The following CCDC12 variants were observed in gnomAD, a reference collection of about 807,000 sequenced individuals.
CCDC12 encodes coiled-coil domain containing 12.
In CCDC12, 28 loss-of-function variants were observed where a neutral mutation model predicts 25.7. The observed-to-expected ratio is 1.09, with a 90% CI of 0.81 to 1.50. The LOEUF is 1.50. Ranked by LOEUF, CCDC12 falls within the 40% of genes most tolerant of loss-of-function variation. The pLI, the probability that CCDC12 is intolerant of heterozygous loss-of-function variation, is 0.00. For missense variants in CCDC12, 198 were observed against 210.0 expected, an observed-to-expected ratio of 0.94 and a Z score of 0.35; for synonymous variants, 75 against 87.7, an observed-to-expected ratio of 0.86 and a Z score of 0.81.
upstream of CCDC12, chr3:46,976,828 G>A: frequency 6.6e-7 from 1 of 1,525,828 alleles, no homozygotes; most frequent in South Asian, 1.2e-5. Flanking sequence ...GGACGAGAAT[G>A]AGAGACTGGG....
At chr3:46,954,050 C>T (rs1490947095) in intron 1 of CCDC12, among the ~76,000 whole-genome samples, 1 of 152,306 alleles carries the variant, frequency 6.6e-6, no homozygotes, top group East Asian at 1.9e-4. Flanking sequence ...AAGACCCCTC[C>T]CCTGGTGGGA....
chr3:46,957,199 T>G (rs1005812550), intron 1 of CCDC12, among the ~76,000 whole-genome samples: 3 of 151,760 alleles, frequency 2.0e-5, no homozygotes, highest in Admixed American at 6.6e-5. Flanking sequence ...TGCAGAGAGG[T>G]AGGGGTGGGG....
intron 1 of CCDC12, among the ~76,000 whole-genome samples, chr3:46,972,052 T>G (rs7636252): frequency 0.49 from 74,668 of 152,022 alleles, 19,805 homozygotes; most frequent in Non-Finnish European, 0.58. Context: ...TCCCCAGGCA[T>G]TCACCTTAAT....
chr3:46,936,461 G>T (rs61509315), intron 2 of CCDC12, among the ~76,000 whole-genome samples: 2,534 of 152,278 alleles, frequency 0.017, 177 homozygotes, highest in East Asian at 0.14. Flanking sequence ...GGGCAAACAG[G>T]TATGGCATTT....
intron 1 of CCDC12, chr3:46,976,354 C>A (rs1312770194): frequency 1.5e-6 from 2 of 1,354,978 alleles, no homozygotes; most frequent in Admixed American, 6.4e-5. Context: ...GATACCTACA[C>A]GAGCAACACC....
chr3:46,969,089 G>C (rs1183118568), intron 1 of CCDC12, among the ~76,000 whole-genome samples: 1 of 152,152 alleles, frequency 6.6e-6, no homozygotes, highest in Non-Finnish European at 1.5e-5. Context: ...AACTTCTTGA[G>C]ACATGATCAG....
intron 1 of CCDC12, among the ~76,000 whole-genome samples, chr3:46,956,029 A>G (rs1429650018): frequency 1.3e-5 from 2 of 152,262 alleles, no homozygotes; most frequent in Non-Finnish European, 2.9e-5. Context: ...AATAAAAGAT[A>G]GGCCCACATT....
chr3:46,940,133 G>A (rs1031960572), intron 2 of CCDC12, among the ~76,000 whole-genome samples: 5 of 152,246 alleles, frequency 3.3e-5, no homozygotes, highest in African/African-American at 9.6e-5. Context: ...GCTGACACGG[G>A]AGTGGTAGTC....
intron 1 of CCDC12, among the ~76,000 whole-genome samples, chr3:46,948,886 C>T (rs1056797701): frequency 2.0e-5 from 3 of 152,170 alleles, no homozygotes; most frequent in Non-Finnish European, 4.4e-5. Flanking sequence ...CAGAGCTCCT[C>T]CAGCAGACTT....
At chr3:46,940,797 T>G in intron 2 of CCDC12, 1 of 583,434 alleles carries the variant, frequency 1.7e-6, no homozygotes. Flanking sequence ...AAATGGAAAA[T>G]GAGGGAAAGG....
At chr3:46,959,199 T>C (rs1178624234) in intron 1 of CCDC12, among the ~76,000 whole-genome samples, 2 of 30,062 alleles carry the variant, frequency 6.7e-5, no homozygotes, top group Non-Finnish European at 2.2e-4. Flanking sequence ...ACACACTTCC[T>C]TTAGCTACAA....
At chr3:46,933,716 A>T (rs754741783) in intron 2 of CCDC12, among the ~76,000 whole-genome samples, 3 of 152,150 alleles carry the variant, frequency 2.0e-5, no homozygotes, top group Admixed American at 6.5e-5. Context: ...AAAACAAAAA[A>T]CCCCAAGACT....
At chr3:46,926,501 C>T (rs1575536003) in intron 2 of CCDC12, among the ~76,000 whole-genome samples, 1 of 152,342 alleles carries the variant, frequency 6.6e-6, no homozygotes, top group Non-Finnish European at 1.5e-5. Flanking sequence ...CTGCCTCAGT[C>T]TTTTCAGGCA....
intron 1 of CCDC12, among the ~76,000 whole-genome samples, chr3:46,959,163 C>T (rs1447400782): frequency 6.6e-6 from 1 of 151,696 alleles, no homozygotes; most frequent in Admixed American, 6.6e-5. Flanking sequence ...GGAAATACTG[C>T]TTCACAAGGT....
At chr3:46,954,810 G>A (rs189323210) in intron 1 of CCDC12, among the ~76,000 whole-genome samples, 1 of 152,274 alleles carries the variant, frequency 6.6e-6, no homozygotes, top group East Asian at 1.9e-4. Flanking sequence ...TGTAGTCCCA[G>A]CTACTCAGGA....
intron 1 of CCDC12, chr3:46,966,190 C>G (rs1176322629): frequency 6.6e-6 from 1 of 152,604 alleles, no homozygotes; most frequent in African/African-American, 2.4e-5. Context: ...CAACTTGAAT[C>G]TGTGCTCCCA....
At chr3:46,963,326 C>G (rs536680933) in intron 1 of CCDC12, among the ~76,000 whole-genome samples, 2 of 152,198 alleles carry the variant, frequency 1.3e-5, no homozygotes, top group African/African-American at 4.8e-5. Flanking sequence ...TTTTATGCCA[C>G]TATAAAGTCA....
At chr3:46,964,916 C>T (rs2034594659) in intron 1 of CCDC12, among the ~76,000 whole-genome samples, 1 of 151,736 alleles carries the variant, frequency 6.6e-6, no homozygotes, top group South Asian at 2.1e-4. Context: ...CTGCCATATC[C>T]CCCTCTGCGA....
intron 1 of CCDC12, among the ~76,000 whole-genome samples, chr3:46,954,927 A>G (rs1026399174): frequency 2.0e-5 from 3 of 152,200 alleles, no homozygotes; most frequent in African/African-American, 7.2e-5. Flanking sequence ...CGTCTGAAAA[A>G]AAAAGTTATT....
Sources: allele counts gnomAD v4.1 joint callset (sites outside exome capture counted in the v4.1 genomes callset), GRCh38; gene constraint gnomAD v4.1.1; transcripts MANE v1.5; gene names NCBI Gene and HGNC (gene_info 2026-07-23, HGNC 2026-07-21).